The following NAV3 variants were observed in gnomAD, a reference collection of about 807,000 sequenced individuals.
NAV3 encodes pore membrane and/or filament interacting like protein 1.
A neutral mutation model predicts 244.7 loss-of-function variants in NAV3; 87 were observed. The ratio of observed to expected loss-of-function variants is 0.36; its 90% CI spans 0.30 to 0.42. The LOEUF is 0.42. Among genes scored for constraint, NAV3 ranks in the 20% least tolerant of loss-of-function variants. The pLI, the probability that NAV3 is intolerant of heterozygous loss-of-function variation, is 1.00. For synonymous variants in NAV3, 1,126 were observed against 1,042.2 expected (o/e 1.08, Z -1.55); for missense variants, 2,663 against 2,893.3 (o/e 0.92, Z 1.83).
At chr12:77,664,719 G>T (rs1280345474) in intron 2 of NAV3, among the ~76,000 whole-genome samples, 1 of 151,994 alleles carries the variant, frequency 6.6e-6, no homozygotes, top group Non-Finnish European at 1.5e-5. Flanking sequence ...ACCCCACTTT[G>T]ATTTATTTAT....
intron 12 of NAV3, among the ~76,000 whole-genome samples, chr12:78,108,672 A>G (rs975383690): frequency 4.6e-5 from 7 of 152,150 alleles, no homozygotes; most frequent in Non-Finnish European, 7.4e-5. Context: ...AAACTATACA[A>G]ATACATGCAG....
chr12:78,162,387 G>C (rs1957581137), intron 23 of NAV3, among the ~76,000 whole-genome samples: 1 of 151,938 alleles, frequency 6.6e-6, no homozygotes, highest in South Asian at 2.1e-4. Flanking sequence ...AGACAATATA[G>C]ATATAGAATG....
chr12:77,708,298 C>T (rs1251000401), intron 2 of NAV3, among the ~76,000 whole-genome samples: 2 of 152,256 alleles, frequency 1.3e-5, no homozygotes, highest in East Asian at 3.9e-4. Flanking sequence ...TTCCCAGTAC[C>T]ATTTATTAAA....
intron 11 of NAV3, among the ~76,000 whole-genome samples, chr12:78,057,016 G>A (rs1452026794): frequency 6.6e-6 from 1 of 152,138 alleles, no homozygotes; most frequent in Non-Finnish European, 1.5e-5. Context: ...AGCATGCGAA[G>A]GCTTATCTCT....
intron 2 of NAV3, among the ~76,000 whole-genome samples, chr12:77,759,517 A>C (rs1203571481): frequency 2.0e-5 from 3 of 152,244 alleles, no homozygotes; most frequent in Non-Finnish European, 4.4e-5. Context: ...ATTGAAATAC[A>C]TGTAAAGCTT....
At chr12:78,138,935 C>CTACCTAAT (rs1316658088) in intron 19 of NAV3, among the ~76,000 whole-genome samples, 3 of 152,052 alleles carry the variant, frequency 2.0e-5, no homozygotes, top group African/African-American at 7.2e-5. Context: ...TATTGATATC[C>CTACCTAAT]TACCTAATGC....
chr12:78,194,518 G>A (rs1011839980), intron 34 of NAV3, among the ~76,000 whole-genome samples: 4 of 151,930 alleles, frequency 2.6e-5, no homozygotes, highest in African/African-American at 9.7e-5. Context: ...TCCTTGTTCA[G>A]TCCCTTAGTA....
chr12:77,850,745 G>A (rs1877387392), intron 1 of NAV3, among the ~76,000 whole-genome samples: 1 of 150,266 alleles, frequency 6.7e-6, no homozygotes, highest in African/African-American at 2.5e-5. Flanking sequence ...GTGTAGGGAA[G>A]CTTTTGTGTC....
intron 1 of NAV3, among the ~76,000 whole-genome samples, chr12:77,868,492 G>A (rs180934692): frequency 1.6e-4 from 24 of 151,116 alleles, no homozygotes; most frequent in African/African-American, 4.3e-4. Flanking sequence ...ATTATGGCTC[G>A]CACCTGCAAT....
intron 2 of NAV3, among the ~76,000 whole-genome samples, chr12:77,733,988 T>C (rs142536630): frequency 1.5e-4 from 23 of 151,762 alleles, no homozygotes; most frequent in African/African-American, 5.6e-4. Flanking sequence ...AAGTCAAGAT[T>C]TTTGTTTGTT....
intron 2 of NAV3, among the ~76,000 whole-genome samples, chr12:77,779,535 C>A (rs1870559361): frequency 6.6e-6 from 1 of 152,046 alleles, no homozygotes; most frequent in Non-Finnish European, 1.5e-5. Flanking sequence ...ACACATGGGG[C>A]TATGCATCAT....
intron 2 of NAV3, among the ~76,000 whole-genome samples, chr12:77,803,293 A>G (rs1389520582): frequency 6.6e-6 from 1 of 151,684 alleles, no homozygotes; most frequent in Non-Finnish European, 1.5e-5. Context: ...CCATCCCCCA[A>G]CAGGCCCTGG....
chr12:78,050,874 G>A lies in NAV3; in HGVS notation c.2243G>A (p.Cys748Tyr), dbSNP rs2137249775. The A allele has an allele frequency of 6.2e-7, 1 of 1,614,138 alleles. No homozygotes were observed. The highest frequency in any genetic ancestry group is 8.5e-7 in the Non-Finnish European group (1 of 1,180,018). ...TPMTWRLGQA[C>Y]PRLQAGDAPS... The stretch of plus-strand genomic sequence containing the variant: ...ATGACCTGGAGGTTGGGCCAGGCAT[G>A]TCCGCGACTTCAGGCGGGAGATGCT... Residue 748 changes from cysteine (C) to tyrosine (Y), a missense_variant, in exon 11 of 40, where the codon TGT becomes TAT. Coordinates refer to ENST00000397909, the MANE Select transcript of NAV3 (RefSeq NM_001024383.2).
intron 18 of NAV3, 145 bp downstream of exon 18, chr12:78,129,011 T>A (rs1476972590): frequency 2.8e-6 from 2 of 716,386 alleles, no homozygotes; most frequent in East Asian, 5.5e-5. Flanking sequence ...TTTGTGTCAT[T>A]GTTTACTCTT....
At chr12:77,633,563 G>C (rs1274554775) in intron 2 of NAV3, among the ~76,000 whole-genome samples, 1 of 151,966 alleles carries the variant, frequency 6.6e-6, no homozygotes, top group Admixed American at 6.6e-5. Context: ...AAAGATCTCA[G>C]ACAGTTTCAA....
chr12:78,005,066 TA>T lies in NAV3; in HGVS notation c.881-1347del, dbSNP rs1347907916. On this transcript the variant is annotated intron_variant, in intron 7 of 39. Coordinates refer to ENST00000397909, the MANE Select transcript of NAV3 (RefSeq NM_001024383.2). ...TTATGTCCCTTGTTCATCAGCCAGT[TA>T]AAAAAGCATCCTGACTGGTTCTTTT... Among the ~76,000 whole-genome samples, 6 of 152,244 alleles carry T rather than the reference TA, an allele frequency of 3.9e-5. No individual in the cohort carries two copies. In the East Asian group the frequency reaches 1.2e-3, roughly 29 times the overall value.
At chr12:77,716,862 A>G (rs572014795) in intron 2 of NAV3, among the ~76,000 whole-genome samples, 2 of 152,212 alleles carry the variant, frequency 1.3e-5, no homozygotes, top group Admixed American at 1.3e-4. Flanking sequence ...TGTGATATGC[A>G]TGAAGCAAAA....
rs17044694 is a variant in NAV3, at chr12:78,001,420, C to T, written c.880+2944C>T. Among the ~76,000 whole-genome samples, 888 of 152,194 alleles carry T rather than the reference C, an allele frequency of 5.8e-3. 8 individuals are homozygous for T. Among genetic ancestry groups the T allele is most frequent in the African/African-American group, 0.02 (826 of 41,520 alleles). The stretch of plus-strand genomic sequence containing the variant: ...CTCTGAGAGGATGAGTTACATAAAT[C>T]AGTTCAGGAATCTATAGAATCTGTA... On this transcript the variant is annotated intron_variant, in intron 7 of 39. Transcript: ENST00000397909.
chr12:78,113,539 G>C (rs1017557704), intron 12 of NAV3, among the ~76,000 whole-genome samples: 1 of 152,164 alleles, frequency 6.6e-6, no homozygotes, highest in Non-Finnish European at 1.5e-5. Context: ...ACCTTCTGAA[G>C]CCATGGCCTT....
Sources: allele counts gnomAD v4.1 joint callset (sites outside exome capture counted in the v4.1 genomes callset), GRCh38; gene constraint gnomAD v4.1.1; transcripts MANE v1.5; gene names NCBI Gene and HGNC (gene_info 2026-07-23, HGNC 2026-07-21).